The following E2F2 variants were observed in gnomAD, a reference collection of about 807,000 sequenced individuals.
The protein encoded by E2F2 is E2F transcription factor 2.
Under a neutral mutation model 42.2 loss-of-function variants are expected in E2F2, and 22 were observed. That is an observed-to-expected ratio of 0.52 (90% CI 0.37 to 0.74). The LOEUF (loss-of-function observed/expected upper bound fraction) is 0.74, where lower values mean the gene tolerates loss of function less well. Among genes scored for constraint, E2F2 ranks in the 30% least tolerant of loss-of-function variants. The pLI is 0.00. For synonymous variants in E2F2, 248 were observed against 251.6 expected, an observed-to-expected ratio of 0.99 and a Z score of 0.13; for missense variants, 481 against 557.8, an observed-to-expected ratio of 0.86 and a Z score of 1.39.
Position 23,509,916 on chromosome 1 carries a change from G to A in E2F2, c.1278C>T (p.Phe426=), listed in dbSNP as rs1361257207. ...LEAGEGISDL[F]DSYDLGDLLI... is the part of the protein sequence containing the mutation. ...ACAGGTCCCCAAGGTCGTAGGAGTC[G>A]AAGAGATCGCTGATGCCCTCACCCG... The change falls in exon 7 of 7, where the codon TTC becomes TTT. Residue 426 remains phenylalanine, a synonymous_variant. Coordinates refer to ENST00000361729, the MANE Select transcript of E2F2 (RefSeq NM_004091.4). 5.7e-6 allele frequency: 9 copies of A among 1,590,956 alleles called. No individual in the cohort carries two copies. Among genetic ancestry groups the A allele is most frequent in the Non-Finnish European group, 6.9e-6 (8 of 1,167,006 alleles).
intron 5 of E2F2, among the ~76,000 whole-genome samples, chr1:23,518,054 C>A (rs1295699891): frequency 6.6e-6 from 1 of 151,938 alleles, no homozygotes; most frequent in Admixed American, 6.6e-5. Context: ...ACCTGTGGTC[C>A]CAGCTACTCA....
intron 6 of E2F2, among the ~76,000 whole-genome samples, chr1:23,513,732 G>A (rs1642961099): frequency 6.6e-6 from 1 of 151,916 alleles, no homozygotes. Context: ...AAGGGTCGTG[G>A]GGACAGCCAT....
Position 23,524,431 on chromosome 1 carries a change from T to C in E2F2, c.310A>G (p.Thr104Ala), listed in dbSNP as rs141654016. 34 of 1,572,266 alleles carry C rather than the reference T, an allele frequency of 2.2e-5. No homozygotes were observed. The highest frequency in any genetic ancestry group is 9.6e-5 in the East Asian group (4 of 41,826). ...ACTCTGATGCACTTCCCCTTGGGGG[T>C]TGGGAACTCAGGGACGACGGGCCTC... The part of the protein sequence containing the change: ...IGRPVVPEFP[T>A]PKGKCIRVDG... Residue 104 changes from threonine (T) to alanine (A), a missense_variant, in exon 2 of 7, where the codon ACC becomes GCC. Thr to Ala is a moderately conservative substitution (Grantham distance 58). Transcript: ENST00000361729.
At chr1:23,524,514 C>G (rs1360076635) in intron 1 of E2F2, 26 bp from the exon 2 acceptor site, 1 of 1,604,418 alleles carries the variant, frequency 6.2e-7, no homozygotes, top group Non-Finnish European at 8.5e-7. Context: ...GAGAGAGAGG[C>G]AGAGTTTGAG....
intron 6 of E2F2, among the ~76,000 whole-genome samples, chr1:23,515,982 G>A (rs917181139): frequency 2.6e-5 from 4 of 152,290 alleles, no homozygotes; most frequent in South Asian, 4.1e-4. Context: ...GATTATAGGC[G>A]TGAGCTATAT....
rs1643331341 is a variant in E2F2, at chr1:23,530,928, G to C, written c.-135C>G. On this transcript the variant is annotated 5_prime_UTR_variant, in exon 1 of 7. Transcript: ENST00000361729. The surrounding 1 kb of genome is among the most constrained non-coding windows in gnomAD (Gnocchi z 4.4). ...GAAGCCGCCAATGGACGCCTGCGGG[G>C]CAAGGCCGGACCCTCCCCTCCTGGC... 3 of 1,188,664 alleles carry C rather than the reference G, an allele frequency of 2.5e-6. No homozygotes were observed. In the South Asian group the frequency reaches 5.3e-5, roughly 21 times the overall value. 73.6% of individuals were successfully genotyped at this position (1,188,664 alleles called of 1,614,324 possible).
intron 4 of E2F2, among the ~76,000 whole-genome samples, chr1:23,520,243 CAAAAAAAAAA>C (rs66460864): frequency 6.3e-5 from 5 of 78,872 alleles, no homozygotes; most frequent in Admixed American, 2.9e-4. Context: ...GACTCTGTCT[CAAAAAAAAAA>C]AAAAAAAAAA....
chr1:23,522,094 G>GA (rs751505019), intron 2 of E2F2, 38 bp from the exon 3 acceptor site: 1 of 1,599,058 alleles, frequency 6.3e-7, no homozygotes, highest in Non-Finnish European at 8.5e-7. Context: ...CTCAGGGAGG[G>GA]GAGGGCCCGC....
intron 1 of E2F2, among the ~76,000 whole-genome samples, chr1:23,525,195 CCCT>C (rs1012844903): frequency 1.3e-5 from 2 of 151,980 alleles, no homozygotes; most frequent in African/African-American, 4.8e-5. Flanking sequence ...GCCACCCCCC[CCCT>C]CCAGCTCCCC....
At chr1:23,513,560 ACATGTGTGTG>A (rs1452207623) in intron 6 of E2F2, among the ~76,000 whole-genome samples, 2 of 110,874 alleles carry the variant, frequency 1.8e-5, no homozygotes, top group Non-Finnish European at 3.6e-5. Flanking sequence ...ACAGCACGGA[ACATGTGTGTG>A]TGTGTGTGTG....
In E2F2 at chr1:23,507,856, C is replaced by A. The variant is rs1204278196; in HGVS notation, c.*2024G>T. The stretch of plus-strand genomic sequence containing the variant: ...TCCCAATGGGTCCTGCAGGCCCCTT[C>A]TTCCTTTTCTCTGATGTAATTCTTG... On this transcript the variant is annotated 3_prime_UTR_variant, in exon 7 of 7. Coordinates refer to ENST00000361729, the MANE Select transcript of E2F2 (RefSeq NM_004091.4). 1 of 152,228 alleles carries A rather than the reference C, an allele frequency of 6.6e-6. No homozygotes were observed. The highest frequency in any genetic ancestry group is 2.4e-5 in the African/African-American group (1 of 41,452). 9.4% of individuals were successfully genotyped at this position (152,228 alleles called of 1,614,324 possible). A position where few individuals can be genotyped will look rare whatever the true frequency, so the allele number is the denominator to read the frequency against.
At chr1:23,525,207 C>G (rs1348713725) in intron 1 of E2F2, among the ~76,000 whole-genome samples, 1 of 152,182 alleles carries the variant, frequency 6.6e-6, no homozygotes, top group African/African-American at 2.4e-5. Flanking sequence ...CTCCAGCTCC[C>G]CCTTTCTGTT....
chr1:23,506,051 G>T (rs1642789435), downstream of E2F2, among the ~76,000 whole-genome samples: 1 of 152,166 alleles, frequency 6.6e-6, no homozygotes, highest in Non-Finnish European at 1.5e-5. Flanking sequence ...ACCGCACCCA[G>T]CGTGAGGCAT....
intron 3 of E2F2, among the ~76,000 whole-genome samples, chr1:23,521,332 C>T (rs1643142280): frequency 6.6e-6 from 1 of 152,132 alleles, no homozygotes; most frequent in South Asian, 2.1e-4. Flanking sequence ...ACTGGAGTAG[C>T]CTCAGTCCTG....
At chr1:23,520,078 CAAA>C (rs35380252) in intron 4 of E2F2, among the ~76,000 whole-genome samples, 3 of 96,146 alleles carry the variant, frequency 3.1e-5, no homozygotes, top group Non-Finnish European at 4.3e-5. Flanking sequence ...GACTCCATCT[CAAA>C]AAAAAAAAAA....
intron 5 of E2F2, among the ~76,000 whole-genome samples, chr1:23,517,623 T>C (rs141747893): frequency 2.9e-4 from 44 of 152,272 alleles, no homozygotes; most frequent in African/African-American, 9.4e-4. Flanking sequence ...ACAAGGTGAG[T>C]AGAACATTCT....
At chr1:23,520,368 T>A (rs2148701401) in intron 4 of E2F2, among the ~76,000 whole-genome samples, 1 of 151,270 alleles carries the variant, frequency 6.6e-6, no homozygotes, top group East Asian at 1.9e-4. Flanking sequence ...TATGTTAAGG[T>A]GGCAGCTCAT....
chr1:23,516,927 A>G (rs1333540198), intron 5 of E2F2, among the ~76,000 whole-genome samples: 1 of 152,042 alleles, frequency 6.6e-6, no homozygotes, highest in Non-Finnish European at 1.5e-5. Flanking sequence ...CACTAGGCCC[A>G]GGACTTTTGC....
intron 1 of E2F2, among the ~76,000 whole-genome samples, chr1:23,524,824 C>A (rs1183985877): frequency 1.3e-5 from 2 of 152,250 alleles, no homozygotes; most frequent in East Asian, 1.9e-4. Flanking sequence ...CTCACCCCAC[C>A]ACACCCAGAG....
Sources: allele counts gnomAD v4.1 joint callset (sites outside exome capture counted in the v4.1 genomes callset), GRCh38; gene constraint gnomAD v4.1.1; non-coding constraint Gnocchi (gnomAD v3.1); transcripts MANE v1.5; gene names NCBI Gene and HGNC (gene_info 2026-07-23, HGNC 2026-07-21).